The following CIT variants were observed in gnomAD, a reference collection of about 807,000 sequenced individuals.
CIT encodes the protein citron rho-interacting serine/threonine kinase.
CIT carries 79 observed loss-of-function variants against 272.7 expected under a neutral mutation model. That is an observed-to-expected ratio of 0.29 (90% CI 0.24 to 0.35). CIT has a LOEUF of 0.35. Among genes scored for constraint, CIT ranks in the 10% least tolerant of loss-of-function variants. The pLI, the probability that CIT is intolerant of heterozygous loss-of-function variation, is 1.00. For synonymous variants in CIT, 948 were observed against 995.6 expected (o/e 0.95, Z 0.90); for missense variants, 1,909 against 2,618.3 (o/e 0.73, Z 5.91).
rs1204022010 is a variant in CIT at position 119,857,630 on chromosome 12, C to G, written c.307G>C (p.Val103Leu). The G allele has an allele frequency of 6.2e-7, 1 of 1,614,196 alleles. No homozygotes were observed. The highest frequency in any genetic ancestry group is 1.7e-5 in the Admixed American group (1 of 60,020). Residue 103 changes from valine (V) to leucine (L), a missense_variant, in exon 4 of 48, where the codon GTA becomes CTA. Physicochemically the swap from Val to Leu is conservative, Grantham distance 32. Coordinates refer to ENST00000392521, the MANE Select transcript of CIT (RefSeq NM_001206999.2). ...SAKDFEVRSL[V>L]GCGHFAEVQV... ...ACTTCAGCAAAGTGACCACAACCTA[C>G]AAGACTTCTGACTTCGAAGTCCTTT...
At chr12:119,700,023 A>G (rs1169205369) in intron 44 of CIT, 2 of 419,786 alleles carry the variant, frequency 4.8e-6, no homozygotes, top group Non-Finnish European at 9.7e-6. Flanking sequence ...AAGGATGTTC[A>G]TCGTAGTGTT....
intron 20 of CIT, 151 bp downstream of exon 20, chr12:119,760,788 C>T (rs1382088829): frequency 1.5e-6 from 1 of 672,742 alleles, no homozygotes; most frequent in Non-Finnish European, 2.6e-6. Context: ...GGAAAGGAAA[C>T]AGTTTCAGAG....
chr12:119,756,685 T>C (rs1961030444), intron 22 of CIT, among the ~76,000 whole-genome samples: 2 of 152,210 alleles, frequency 1.3e-5, no homozygotes, highest in Non-Finnish European at 2.9e-5. Flanking sequence ...ATTTTCCTTT[T>C]GGTTCAGCTT....
chr12:119,863,113 A>T (rs1174120841), intron 3 of CIT, among the ~76,000 whole-genome samples: 1 of 149,208 alleles, frequency 6.7e-6, no homozygotes, highest in African/African-American at 2.5e-5. Context: ...AAGGCAAGAG[A>T]ATCACTTGAA....
chr12:119,693,981 C>T (rs188437998), intron 46 of CIT, among the ~76,000 whole-genome samples: 7 of 152,294 alleles, frequency 4.6e-5, no homozygotes, highest in Admixed American at 1.3e-4. Flanking sequence ...GGTAGACACA[C>T]CTTATAATAA....
chr12:119,873,268 C>CTTTTTTT (rs59861360), intron 2 of CIT, among the ~76,000 whole-genome samples: 1 of 136,970 alleles, frequency 7.3e-6, no homozygotes, highest in African/African-American at 2.7e-5. Context: ...TTTTCCTTTT[C>CTTTTTTT]TTTTTTTTTT....
chr12:119,771,024 C>A, intron 17 of CIT, 114 bp from the exon 18 acceptor site: 3 of 1,263,908 alleles, frequency 2.4e-6, no homozygotes, highest in South Asian at 1.5e-5. Context: ...GAAGAAAAGT[C>A]TCAGGCACCC....
intron 7 of CIT, among the ~76,000 whole-genome samples, chr12:119,829,206 C>T (rs998542350): frequency 1.4e-4 from 22 of 151,968 alleles, no homozygotes; most frequent in Non-Finnish European, 2.2e-4. Flanking sequence ...GGCATGGTGG[C>T]GGGCACCTGT....
chr12:119,843,923 C>T (rs981091398), intron 5 of CIT, among the ~76,000 whole-genome samples: 11 of 151,704 alleles, frequency 7.3e-5, no homozygotes, highest in African/African-American at 2.7e-4. Context: ...CAGGACTGTA[C>T]GGTACCGATA....
chr12:119,749,303 C>G (rs938888500), intron 23 of CIT, among the ~76,000 whole-genome samples: 6 of 152,248 alleles, frequency 3.9e-5, no homozygotes, highest in Admixed American at 6.5e-5. Flanking sequence ...CACAAATCTC[C>G]TAGGCGATCA....
intron 22 of CIT, among the ~76,000 whole-genome samples, chr12:119,753,895 G>A (rs1314707030): frequency 1.3e-5 from 2 of 152,170 alleles, no homozygotes; most frequent in Non-Finnish European, 2.9e-5. Context: ...AGCCCTGCGG[G>A]AGACATCCAA....
chr12:119,818,282 AT>A (rs1967384730), intron 9 of CIT, among the ~76,000 whole-genome samples: 1 of 152,130 alleles, frequency 6.6e-6, no homozygotes, highest in African/African-American at 2.4e-5. Context: ...CCTAAACAAT[AT>A]TGTTGACCAT....
At position 119,770,893 on chromosome 12, in the gene CIT, C is replaced by T. The variant is rs1162842644; in HGVS notation, c.2100G>A (p.Leu700=). 1 of 1,612,714 alleles carries T rather than the reference C, an allele frequency of 6.2e-7. No individual in the cohort carries two copies. The highest frequency in any genetic ancestry group is 8.5e-7 in the Non-Finnish European group (1 of 1,179,840). ...TCTCTAGTCTCTTTACCTTGTTCTC[C>T]AGAGAATGGCGGCGTTCCTGTAGAT... ...LVEAEERRHS[L]ENKVKRLETM... is the part of the protein sequence containing the mutation. Residue 700 remains leucine, a synonymous_variant, in exon 18 of 48, where the codon CTG becomes CTA. Coordinates refer to ENST00000392521, the MANE Select transcript of CIT (RefSeq NM_001206999.2). This position sits in a 1 kb window ranked among gnomAD's most constrained non-coding sequence, Gnocchi z 4.4.
chr12:119,765,917 T>C (rs203326), intron 19 of CIT, among the ~76,000 whole-genome samples: 107,582 of 152,066 alleles, frequency 0.71, 38,840 homozygotes, highest in Middle Eastern at 0.86. Flanking sequence ...GAAATCAGTA[T>C]ATCAAAGAGA....
At chr12:119,799,586 T>A (rs1966014644) in intron 10 of CIT, among the ~76,000 whole-genome samples, 1 of 152,004 alleles carries the variant, frequency 6.6e-6, no homozygotes, top group Admixed American at 6.6e-5. Flanking sequence ...GAGTGCCCCT[T>A]CCTAAAAACA....
intron 7 of CIT, among the ~76,000 whole-genome samples, chr12:119,832,259 C>T (rs982054594): frequency 2.6e-5 from 4 of 152,120 alleles, no homozygotes; most frequent in Non-Finnish European, 4.4e-5. Context: ...ACCCTCCTGC[C>T]GTCCTACTTA....
chr12:119,764,509 A>G (rs1358406760), intron 19 of CIT, among the ~76,000 whole-genome samples: 2 of 151,556 alleles, frequency 1.3e-5, no homozygotes, highest in Non-Finnish European at 2.9e-5. Flanking sequence ...CCAGCTACTC[A>G]GGAGGCTGAG....
At chr12:119,775,873 G>A (rs1337918550) in intron 15 of CIT, 34 bp from the exon 16 acceptor site, 1 of 1,552,460 alleles carries the variant, frequency 6.4e-7, no homozygotes, top group Non-Finnish European at 8.9e-7. Context: ...AAAGCAAAAG[G>A]CAAATCAGCA....
At chr12:119,773,220 G>T (rs1963373506) in intron 16 of CIT, among the ~76,000 whole-genome samples, 1 of 151,948 alleles carries the variant, frequency 6.6e-6, no homozygotes, top group Non-Finnish European at 1.5e-5. Flanking sequence ...ATAAGATAAT[G>T]GTGTATCTGA....
Sources: allele counts gnomAD v4.1 joint callset (sites outside exome capture counted in the v4.1 genomes callset), GRCh38; gene constraint gnomAD v4.1.1; non-coding constraint Gnocchi (gnomAD v3.1); transcripts MANE v1.5; gene names NCBI Gene and HGNC (gene_info 2026-07-23, HGNC 2026-07-21).